The following MACF1 variants were observed in gnomAD, a reference collection of about 807,000 sequenced individuals.
MACF1 encodes microtubule-actin cross-linking factor 1.
Under a neutral mutation model 854.8 loss-of-function variants are expected in MACF1, and 193 were observed. The ratio of observed to expected loss-of-function variants is 0.23; its 90% CI spans 0.20 to 0.25. The LOEUF is 0.25. Ranked by LOEUF, MACF1 falls within the 10% of genes least tolerant of loss-of-function variation. MACF1 has a pLI of 1.00. For synonymous variants in MACF1, 3,185 were observed against 3,226.7 expected (o/e 0.99, Z 0.44); for missense variants, 7,722 against 8,929.1 (o/e 0.86, Z 5.45).
chr1:39,362,109 C>T (rs915404074), intron 49 of MACF1, among the ~76,000 whole-genome samples: 3 of 152,146 alleles, frequency 2.0e-5, no homozygotes, highest in South Asian at 2.1e-4. Context: ...CTAGAAGGTG[C>T]AAAGCTAGAA....
At position 39,225,249 on chromosome 1, in the gene MACF1, G is replaced by A. The variant is rs1467205137; in HGVS notation, c.110-5933G>A. On this transcript the variant is annotated intron_variant, in intron 1 of 100. Transcript: ENST00000564288. ...TTTTGAGACGGAGTCTCGCTCTGTC[G>A]CCCAGGCCGGACTGCGGACTGCAGT... is the stretch of plus-strand genomic sequence containing the variant. Among the ~76,000 whole-genome samples the A allele has an allele frequency of 2.3e-5, 3 of 130,160 alleles. No homozygotes were observed. The Admixed American group carries it at 2.6e-4, about 11-fold the overall frequency. 85.4% of individuals were successfully genotyped at this position (130,160 alleles called of 152,430 possible).
intron 2 of MACF1, among the ~76,000 whole-genome samples, chr1:39,190,022 G>C (rs1185665965): frequency 6.6e-6 from 1 of 152,180 alleles, no homozygotes; most frequent in Non-Finnish European, 1.5e-5. Context: ...ATCCAGTGTA[G>C]TTAAACGATC....
intron 71 of MACF1, among the ~76,000 whole-genome samples, chr1:39,438,212 T>A (rs1251763346): frequency 6.6e-6 from 1 of 152,172 alleles, no homozygotes; most frequent in Non-Finnish European, 1.5e-5. Context: ...GTAGTTAGAT[T>A]CCCAGGCCAG....
At chr1:39,425,963 C>T (rs1030423852) in intron 61 of MACF1, among the ~76,000 whole-genome samples, 1 of 152,084 alleles carries the variant, frequency 6.6e-6, no homozygotes, top group Admixed American at 6.6e-5. Flanking sequence ...TAAATAGAAA[C>T]AAATAACAAG....
chr1:39,374,039 C>T (rs941297394), intron 52 of MACF1, among the ~76,000 whole-genome samples: 2 of 151,690 alleles, frequency 1.3e-5, no homozygotes, highest in Non-Finnish European at 2.9e-5. Context: ...GCCAGGAGTT[C>T]AAGACCAGCC....
chr1:39,155,426 T>TA (rs1643663953), intron 2 of MACF1, among the ~76,000 whole-genome samples: 3 of 152,070 alleles, frequency 2.0e-5, no homozygotes, highest in African/African-American at 7.2e-5. Context: ...TGAATAGACT[T>TA]TAAAAAAGCA....
intron 40 of MACF1, among the ~76,000 whole-genome samples, chr1:39,344,700 G>A (rs1449677760): frequency 2.0e-5 from 3 of 152,098 alleles, no homozygotes; most frequent in African/African-American, 7.2e-5. Flanking sequence ...CACTTGAGGC[G>A]TTTTTCCCTT....
intron 86 of MACF1, 36 bp downstream of exon 86, chr1:39,452,386 A>C: frequency 6.4e-7 from 1 of 1,573,986 alleles, no homozygotes; most frequent in Non-Finnish European, 8.6e-7. Flanking sequence ...CAAGGGATAG[A>C]TCTGAGTGGG....
intron 44 of MACF1, among the ~76,000 whole-genome samples, chr1:39,353,517 A>G (rs976652947): frequency 6.6e-6 from 1 of 152,000 alleles, no homozygotes. Flanking sequence ...TTCAGAACAT[A>G]CTTTCCTTGG....
chr1:39,168,164 CTT>C (rs1225229790), intron 2 of MACF1, among the ~76,000 whole-genome samples: 1 of 152,188 alleles, frequency 6.6e-6, no homozygotes, highest in Non-Finnish European at 1.5e-5. Context: ...TCTGAGATCT[CTT>C]GTCTACTCTC....
In MACF1 at chr1:39,447,956, GTC is replaced by G. The variant is rs1333374223; in HGVS notation, c.19968+62_19968+63del. 7 of 1,611,034 alleles carry G rather than the reference GTC, an allele frequency of 4.3e-6. No individual in the cohort carries two copies. In the African/African-American group the frequency reaches 9.3e-5, roughly 22 times the overall value. ...AAGAGTCTTGGGCTGCATGTATTGA[GTC>G]TCTGGGATGATTCTCAAACGTGCTG... On this transcript the variant is annotated intron_variant, in intron 82 of 100. Coordinates refer to ENST00000564288, the MANE Select transcript of MACF1 (RefSeq NM_001394062.1).
rs774919857 is a variant in MACF1 at position 39,315,717 on chromosome 1, A to C, written c.3449+26A>C. The stretch of plus-strand genomic sequence containing the variant: ...GTGAGTGAGCTGAGGTTTTGGGTCC[A>C]AGAGCAATATTTTCCATTGGGATAA... On this transcript the variant is annotated intron_variant, in intron 27 of 100. Coordinates refer to ENST00000564288, the MANE Select transcript of MACF1 (RefSeq NM_001394062.1). 14 of 1,608,094 alleles carry C rather than the reference A, an allele frequency of 8.7e-6. No individual in the cohort carries two copies. In the South Asian group the frequency reaches 1.6e-4, roughly 18 times the overall value.
At chr1:39,327,070 A>G in intron 35 of MACF1, 148 bp from the exon 36 acceptor site, 1 of 712,818 alleles carries the variant, frequency 1.4e-6, no homozygotes, top group South Asian at 2.5e-5. Context: ...AGATAAACAG[A>G]AGAACTGACT....
intron 2 of MACF1, among the ~76,000 whole-genome samples, chr1:39,094,686 C>T (rs1368304713): frequency 1.3e-5 from 2 of 151,122 alleles, no homozygotes; most frequent in Non-Finnish European, 2.9e-5. Context: ...CCATTGCACT[C>T]CAGTCTGGGC....
At chr1:39,143,169 A>T (rs967864532) in intron 2 of MACF1, among the ~76,000 whole-genome samples, 1 of 152,128 alleles carries the variant, frequency 6.6e-6, no homozygotes, top group East Asian at 1.9e-4. Flanking sequence ...TAACCCTTGA[A>T]TTTTTATTCT....
chr1:39,360,013 ATATATATATATATATATATATATAT>A (rs1647996611), intron 47 of MACF1, among the ~76,000 whole-genome samples: 1 of 20,978 alleles, frequency 4.8e-5, no homozygotes, highest in Non-Finnish European at 7.9e-5. Flanking sequence ...AAAAAAAAAA[ATATATATATATATATATATATATAT>A]ATATATATAT....
chr1:39,396,389 A>G (rs1267529238), intron 58 of MACF1, among the ~76,000 whole-genome samples: 1 of 152,078 alleles, frequency 6.6e-6, no homozygotes, highest in African/African-American at 2.4e-5. Flanking sequence ...GTTGGATTTG[A>G]GTTTACTAAA....
chr1:39,190,395 GTT>G (rs750262685), intron 2 of MACF1, among the ~76,000 whole-genome samples: 1 of 79,040 alleles, frequency 1.3e-5, no homozygotes, highest in African/African-American at 4.7e-5. Context: ...GTGTGTGTTT[GTT>G]TTTGTTTTTT....
At chr1:39,443,044 T>C (rs1644151204) in intron 78 of MACF1, 133 bp downstream of exon 78, 1 of 835,210 alleles carries the variant, frequency 1.2e-6, no homozygotes, top group South Asian at 1.8e-5. Context: ...TACTGTGCTG[T>C]AACTTATCTA....
Sources: allele counts gnomAD v4.1 joint callset (sites outside exome capture counted in the v4.1 genomes callset), GRCh38; gene constraint gnomAD v4.1.1; transcripts MANE v1.5; gene names NCBI Gene and HGNC (gene_info 2026-07-23, HGNC 2026-07-21).